The following HIVEP3 variants were observed in gnomAD, a reference collection of about 807,000 sequenced individuals.
HIVEP3 encodes the protein HIVEP zinc finger 3.
HIVEP3 carries 49 observed loss-of-function variants against 152.8 expected under a neutral mutation model. The ratio of observed to expected loss-of-function variants is 0.32; its 90% CI spans 0.26 to 0.41. The LOEUF (loss-of-function observed/expected upper bound fraction) is 0.41. HIVEP3 is among the 10% of genes least tolerant of loss of function. The pLI is 1.00. For missense variants in HIVEP3, 2,790 were observed against 3,103.3 expected (o/e 0.90, Z 2.40); for synonymous variants, 1,269 against 1,289.0 (o/e 0.98, Z 0.33).
intron 1 of HIVEP3, among the ~76,000 whole-genome samples, chr1:41,712,974 A>T (rs1041789177): frequency 6.6e-5 from 10 of 152,146 alleles, no homozygotes; most frequent in African/African-American, 2.4e-4. Context: ...CCTCCCACCG[A>T]TGTGGAAGTC....
chr1:41,618,275 G>T (rs1439251155), intron 3 of HIVEP3, among the ~76,000 whole-genome samples: 1 of 152,234 alleles, frequency 6.6e-6, no homozygotes, highest in Non-Finnish European at 1.5e-5. Context: ...AGCAGACTCT[G>T]CGGTTATGCA....
rs1031475052 is a variant in HIVEP3 at position 41,631,770 on chromosome 1, T to C, written c.-720-2823A>G. 1.3e-5 allele frequency among the ~76,000 whole-genome samples: 2 copies of C among 152,320 alleles called. 1 individual carries two copies. Among genetic ancestry groups the C allele is most frequent in the South Asian group, 4.1e-4 (2 of 4,828 alleles). On this transcript the variant is annotated intron_variant, in intron 2 of 8. Coordinates refer to ENST00000372583, the MANE Select transcript of HIVEP3 (RefSeq NM_024503.5). The stretch of plus-strand genomic sequence containing the variant: ...AATTTCTCACTACTCTGTGGGTTTC[T>C]ATCCTCCCTGATCTGACCTCATGCC...
chr1:41,868,836 A>G (rs2124410596), intron 1 of HIVEP3, among the ~76,000 whole-genome samples: 1 of 152,352 alleles, frequency 6.6e-6, no homozygotes, highest in South Asian at 2.1e-4. Context: ...ACTAACACTT[A>G]TTTCGTAAGA....
At chr1:41,806,579 T>C (rs1391833349) in intron 1 of HIVEP3, among the ~76,000 whole-genome samples, 3 of 152,218 alleles carry the variant, frequency 2.0e-5, no homozygotes, top group Admixed American at 1.3e-4. Context: ...GTCACTAGAA[T>C]GAGAAGCACT....
intron 1 of HIVEP3, among the ~76,000 whole-genome samples, chr1:42,016,236 A>G (rs1645521828): frequency 6.6e-6 from 1 of 152,222 alleles, no homozygotes; most frequent in Non-Finnish European, 1.5e-5. Flanking sequence ...ATTATTTCCA[A>G]TAAGAAAGTA....
At chr1:41,938,943 C>T (rs1645032933) in intron 1 of HIVEP3, among the ~76,000 whole-genome samples, 1 of 152,176 alleles carries the variant, frequency 6.6e-6, no homozygotes, top group Non-Finnish European at 1.5e-5. Flanking sequence ...TGGACTTCAT[C>T]GAATATCTAG....
At chr1:41,557,584 T>C (rs529643364) in intron 5 of HIVEP3, among the ~76,000 whole-genome samples, 3 of 151,776 alleles carry the variant, frequency 2.0e-5, no homozygotes, top group African/African-American at 4.8e-5. Flanking sequence ...GGAGTCACCT[T>C]TGGGGGGATG....
intron 2 of HIVEP3, among the ~76,000 whole-genome samples, chr1:41,672,651 A>T (rs1354392423): frequency 1.3e-5 from 2 of 152,182 alleles, no homozygotes; most frequent in Non-Finnish European, 2.9e-5. Flanking sequence ...ACAGCCAGGA[A>T]GTGGTAGAGT....
intron 1 of HIVEP3, among the ~76,000 whole-genome samples, chr1:41,721,510 C>G (rs535949189): frequency 4.5e-4 from 69 of 152,252 alleles, no homozygotes; most frequent in African/African-American, 1.6e-3. Flanking sequence ...CTGACCCTTA[C>G]TGCAATTTTT....
chr1:41,560,565 G>A (rs780683130), intron 5 of HIVEP3, among the ~76,000 whole-genome samples: 3 of 152,190 alleles, frequency 2.0e-5, no homozygotes, highest in Non-Finnish European at 2.9e-5. Flanking sequence ...ATGCACCCTT[G>A]GGATGCGGCC....
intron 1 of HIVEP3, among the ~76,000 whole-genome samples, chr1:41,957,648 T>G (rs1645146979): frequency 6.6e-6 from 1 of 152,170 alleles, no homozygotes; most frequent in African/African-American, 2.4e-5. Context: ...AGCTCAGAAC[T>G]CTAGTGGAGG....
chr1:41,845,419 G>GCA (rs3032007), intron 1 of HIVEP3, among the ~76,000 whole-genome samples: 6,499 of 136,112 alleles, frequency 0.048, 182 homozygotes, highest in Middle Eastern at 0.093. Flanking sequence ...ACACACACAC[G>GCA]CACACACACA....
intron 1 of HIVEP3, among the ~76,000 whole-genome samples, chr1:41,877,907 G>T (rs1023390951): frequency 6.6e-6 from 1 of 151,912 alleles, no homozygotes; most frequent in Admixed American, 6.6e-5. Context: ...ATCTAAATCA[G>T]GTAATTTAGA....
chr1:41,655,641 C>G lies in HIVEP3; in HGVS notation c.-720-26694G>C, dbSNP rs80190133. On this transcript the variant is annotated intron_variant, in intron 2 of 8. Transcript: ENST00000372583. ...GAGAGAGAGAAAAGAGCCCCTGAAT[C>G]CCTCCCCACGGCATTCTCTAACTTC... is the stretch of plus-strand genomic sequence containing the variant. Among the ~76,000 whole-genome samples, 6 of 149,586 alleles carry G rather than the reference C, an allele frequency of 4.0e-5. No individual in the cohort carries two copies. The East Asian group carries it at 1.2e-3, about 29-fold the overall frequency.
At chr1:41,875,367 A>C (rs942816) in intron 1 of HIVEP3, among the ~76,000 whole-genome samples, 121,557 of 152,254 alleles carry the variant, frequency 0.8, 48,750 homozygotes, top group East Asian at 1. Flanking sequence ...GCTCCTGGCC[A>C]CGGCCTCTGG....
At chr1:41,696,158 G>T (rs1025638640) in intron 2 of HIVEP3, among the ~76,000 whole-genome samples, 1 of 152,254 alleles carries the variant, frequency 6.6e-6, no homozygotes, top group Non-Finnish European at 1.5e-5. Flanking sequence ...CTGAAGACCA[G>T]TCCACACCCC....
chr1:41,821,696 T>G (rs1642609055), intron 1 of HIVEP3, among the ~76,000 whole-genome samples: 1 of 152,240 alleles, frequency 6.6e-6, no homozygotes, highest in South Asian at 2.1e-4. Context: ...AGGCACTGTC[T>G]GAATCCTTCC....
intron 1 of HIVEP3, among the ~76,000 whole-genome samples, chr1:41,908,767 A>G (rs993574068): frequency 1.3e-5 from 2 of 152,234 alleles, no homozygotes; most frequent in African/African-American, 4.8e-5. Flanking sequence ...GCAAAAACTA[A>G]GCAAAATCTG....
chr1:41,689,120 T>C (rs1046495402), intron 2 of HIVEP3, among the ~76,000 whole-genome samples: 1 of 152,266 alleles, frequency 6.6e-6, no homozygotes, highest in Non-Finnish European at 1.5e-5. Context: ...GAGTCTTATT[T>C]ATCTTTGTTT....
Sources: allele counts gnomAD v4.1 joint callset (sites outside exome capture counted in the v4.1 genomes callset), GRCh38; gene constraint gnomAD v4.1.1; transcripts MANE v1.5; gene names NCBI Gene and HGNC (gene_info 2026-07-23, HGNC 2026-07-21).